Variants in VCAM1 observed in about 807,000 individuals in gnomAD.
VCAM1 encodes the protein vascular cell adhesion molecule 1, also known as vascular cell adhesion protein 1.
Under a neutral mutation model 63.8 loss-of-function variants are expected in VCAM1, and 41 were observed. The observed-to-expected ratio is 0.64, with a 90% CI of 0.50 to 0.83. VCAM1 has a LOEUF of 0.83. Ranked by LOEUF, VCAM1 falls within the 40% of genes least tolerant of loss-of-function variation. The probability of loss-of-function intolerance (pLI) is 0.00; values close to 1 mark genes in which losing one functional copy is unlikely to be tolerated. For synonymous variants in VCAM1, 338 were observed against 320.7 expected (o/e 1.05, Z -0.58); for missense variants, 798 against 875.5 (o/e 0.91, Z 1.12).
At chr1:100,726,107 A>G (rs1231632056) in intron 4 of VCAM1, among the ~76,000 whole-genome samples, 2 of 151,846 alleles carry the variant, frequency 1.3e-5, no homozygotes, top group African/African-American at 2.4e-5. Flanking sequence ...CTCTACTTCT[A>G]TGACTTTAGA....
At chr1:100,725,004 G>C (rs1487239425) in intron 4 of VCAM1, 114 bp downstream of exon 4, 1 of 1,329,778 alleles carries the variant, frequency 7.5e-7, no homozygotes, top group African/African-American at 1.5e-5. Context: ...TGACCTATCT[G>C]ATTGCCATAT....
At position 100,731,495 on chromosome 1, in the gene VCAM1, G is replaced by T. The variant is rs756538546; in HGVS notation, c.1502G>T (p.Ser501Ile). The change falls in exon 6 of 9, where the codon AGT becomes ATT. Residue 501 changes from serine (S) to isoleucine (I), a missense_variant. Coordinates refer to ENST00000294728, the MANE Select transcript of VCAM1 (RefSeq NM_001078.4). The surrounding 1 kb of genome is among the most constrained non-coding windows in gnomAD (Gnocchi z 4.2). ...GAATTCGAACCCAAACAAAGGCAGA[G>T]TACGCAAACACTTTATGTCAATGGT... Reference protein sequence around the residue: ...DMEFEPKQRQSTQTLYVNVAP... With the variant: ...DMEFEPKQRQITQTLYVNVAP... The T allele has an allele frequency of 3.4e-5, 55 of 1,613,028 alleles. No homozygotes were observed. The highest frequency in any genetic ancestry group is 4.6e-5 in the Non-Finnish European group (54 of 1,179,686).
intron 4 of VCAM1, among the ~76,000 whole-genome samples, chr1:100,728,663 AAAG>A (rs538073883): frequency 6.6e-6 from 1 of 151,770 alleles, no homozygotes; most frequent in South Asian, 2.1e-4. Context: ...AAGAGAAGGC[AAAG>A]AAGAAAGAAT....
At chr1:100,730,068 G>A (rs537977578) in intron 5 of VCAM1, among the ~76,000 whole-genome samples, 18 of 152,120 alleles carry the variant, frequency 1.2e-4, no homozygotes, top group African/African-American at 4.1e-4. Context: ...AACAAAATAT[G>A]CAAAGTGACC....
chr1:100,727,755 A>T (rs776062208), intron 4 of VCAM1, among the ~76,000 whole-genome samples: 1 of 152,092 alleles, frequency 6.6e-6, no homozygotes, highest in Admixed American at 6.6e-5. Flanking sequence ...TCATTCTCAC[A>T]CTAGCATATA....
chr1:100,732,749 G>A lies in VCAM1; in HGVS notation c.1792+65G>A, dbSNP rs895327725. 5 of 1,466,944 alleles carry A rather than the reference G, an allele frequency of 3.4e-6. No homozygotes were observed. The African/African-American group carries it at 4.3e-5, about 13-fold the overall frequency. 90.9% of individuals were successfully genotyped at this position (1,466,944 alleles called of 1,614,324 possible). A position where few individuals can be genotyped will look rare whatever the true frequency, so the allele number is the denominator to read the frequency against. ...TGTTTTTGGTTATGTTACTGATTAT[G>A]AGTAAAGTCTTTGAAAACAAAATTT... On this transcript the variant is annotated intron_variant, in intron 7 of 8. Coordinates refer to ENST00000294728, the MANE Select transcript of VCAM1 (RefSeq NM_001078.4).
intron 4 of VCAM1, among the ~76,000 whole-genome samples, chr1:100,727,062 T>C (rs1435440158): frequency 1.3e-5 from 2 of 151,932 alleles, no homozygotes; most frequent in Non-Finnish European, 2.9e-5. Flanking sequence ...TGTGTGTGTG[T>C]GTGTGTGTGT....
chr1:100,731,286 C>A lies in VCAM1; in HGVS notation c.1293C>A (p.Tyr431Ter). The A allele has an allele frequency of 6.2e-7, 1 of 1,613,760 alleles. No homozygotes were observed. The highest frequency in any genetic ancestry group is 8.5e-7 in the Non-Finnish European group (1 of 1,179,830). The change falls in exon 6 of 9, where the codon TAC (tyrosine) becomes TAA (stop). Residue 431 changes from tyrosine to a stop codon, truncating the protein, a stop_gained. Coordinates refer to ENST00000294728, the MANE Select transcript of VCAM1 (RefSeq NM_001078.4). LOFTEE classifies it high-confidence loss of function. This position sits in a 1 kb window ranked among gnomAD's most constrained non-coding sequence, Gnocchi z 4.2. ...VTVSCKVPSV[Y>*]PLDRLEIELL... ...TAAGCTGCAAGGTTCCTAGCGTGTA[C>A]CCCCTTGACCGGCTGGAGATTGAAT...
intron 8 of VCAM1, chr1:100,737,243 T>A (rs1419944500): frequency 6.6e-6 from 1 of 152,110 alleles, no homozygotes; most frequent in African/African-American, 2.4e-5. Flanking sequence ...AAGCAGTGAG[T>A]CAGGTGCTGG....
At chr1:100,728,373 C>T (rs1036396445) in intron 4 of VCAM1, among the ~76,000 whole-genome samples, 2 of 152,046 alleles carry the variant, frequency 1.3e-5, no homozygotes, top group African/African-American at 4.8e-5. Flanking sequence ...GGAACAGAAG[C>T]TCTAAATGCT....
intron 8 of VCAM1, chr1:100,736,588 T>C (rs1162596008): frequency 6.6e-6 from 1 of 152,142 alleles, no homozygotes. Flanking sequence ...GTATATTACA[T>C]TGAAAAGAAA....
intron 8 of VCAM1, chr1:100,737,273 A>G (rs1243588689): frequency 6.6e-6 from 1 of 152,198 alleles, no homozygotes; most frequent in Non-Finnish European, 1.5e-5. Flanking sequence ...GATGGACTAA[A>G]AAGAAAATAG....
rs771227860 is a variant in VCAM1, at chr1:100,729,112, C to T, written c.934C>T (p.Pro312Ser). Reference sequence around the variant, plus strand: ...GTTTTCCACCTGTGTCCCAGAGAAACCATTTACTGTTGAGATCTCCCCTGG... The same window carrying T: ...GTTTTCCACCTGTGTCCCAGAGAAATCATTTACTGTTGAGATCTCCCCTGG... Reference protein sequence around the residue: ...KEVELIVQEKPFTVEISPGPR... With the variant: ...KEVELIVQEKSFTVEISPGPR... Residue 312 changes from proline (P) to serine (S), a missense_variant, in exon 5 of 9, where the codon CCA (proline) becomes TCA (serine). Transcript: ENST00000294728. 2 of 1,527,510 alleles carry T rather than the reference C, an allele frequency of 1.3e-6. No individual in the cohort carries two copies. Among genetic ancestry groups the T allele is most frequent in the Admixed American group, 2.0e-5 (1 of 48,790 alleles). The allele number at this position is 1,527,510 out of a possible 1,614,324, so 94.6% of individuals were successfully genotyped here. A position where few individuals can be genotyped will look rare whatever the true frequency, so the allele number is the denominator to read the frequency against.
intron 8 of VCAM1, among the ~76,000 whole-genome samples, chr1:100,734,981 CT>C (rs1296463466): frequency 6.6e-6 from 1 of 152,114 alleles, no homozygotes; most frequent in African/African-American, 2.4e-5. Context: ...TTCCTGCTTG[CT>C]TTTTTCAGTT....
intron 4 of VCAM1, among the ~76,000 whole-genome samples, chr1:100,727,130 A>G (rs1308837905): frequency 1.3e-5 from 2 of 151,688 alleles, no homozygotes; most frequent in Non-Finnish European, 2.9e-5. Context: ...TGTTCAGTAA[A>G]TATTTGCTGA....
In VCAM1 at chr1:100,732,608, A is replaced by G. The variant is rs1349905208; in HGVS notation, c.1716A>G (p.Glu572=). 6.2e-7 allele frequency: 1 copy of G among 1,613,160 alleles called. No homozygotes were observed. Among genetic ancestry groups the G allele is most frequent in the Non-Finnish European group, 8.5e-7 (1 of 1,179,720 alleles). ...ATLTLISTKM[E]DSGVYLCEGI... is the part of the protein sequence containing the mutation. ...TCACCTTAATTTCTACAAAAATGGA[A>G]GATTCTGGGGTTTATTTATGTGAAG... Residue 572 remains glutamate, a synonymous_variant, in exon 7 of 9, where the codon GAA becomes GAG. Coordinates refer to ENST00000294728, the MANE Select transcript of VCAM1 (RefSeq NM_001078.4).
chr1:100,726,810 A>G (rs1162999655), intron 4 of VCAM1, among the ~76,000 whole-genome samples: 4 of 152,064 alleles, frequency 2.6e-5, no homozygotes, highest in African/African-American at 9.7e-5. Context: ...GGTAACGCAA[A>G]TATTCCTTAG....
chr1:100,738,182 T>C lies in VCAM1; in HGVS notation c.2119T>C (p.Ser707Pro). 6.2e-7 allele frequency: 1 copy of C among 1,613,898 alleles called. No individual in the cohort carries two copies. Among genetic ancestry groups the C allele is most frequent in the East Asian group, 2.2e-5 (1 of 44,842 alleles). Residue 707 changes from serine to proline, a missense_variant, in exon 9 of 9, where the codon TCC becomes CCC. Coordinates refer to ENST00000294728, the MANE Select transcript of VCAM1 (RefSeq NM_001078.4). ...GCTTCTCGTGCTCTATTTTGCATCCTCCTTAATAATACCTGCCATTGGAAT... is the reference window on the plus strand; with the variant it reads ...GCTTCTCGTGCTCTATTTTGCATCCCCCTTAATAATACCTGCCATTGGAAT... The part of the protein sequence containing the change: ...PELLVLYFAS[S>P]LIIPAIGMII...
At position 100,738,414 on chromosome 1, in the gene VCAM1, G is replaced by T; in HGVS notation, c.*131G>T. ...GAATGTATTGAACTTGGAAAGAAAT[G>T]CCCATCTATGTCCCTTGCTGTGAGC... On this transcript the variant is annotated 3_prime_UTR_variant, in exon 9 of 9. Coordinates refer to ENST00000294728, the MANE Select transcript of VCAM1 (RefSeq NM_001078.4). The T allele has an allele frequency of 9.6e-7, 1 of 1,041,492 alleles. No homozygotes were observed. Among genetic ancestry groups the T allele is most frequent in the Non-Finnish European group, 1.4e-6 (1 of 732,016 alleles). 64.5% of individuals were successfully genotyped at this position (1,041,492 alleles called of 1,614,324 possible). A position where few individuals can be genotyped will look rare whatever the true frequency, so the allele number is the denominator to read the frequency against.
Sources: gnomAD v4.1 joint callset for allele counts (sites outside exome capture counted in the v4.1 genomes callset) on GRCh38, gnomAD v4.1.1 for gene constraint, Gnocchi (gnomAD v3.1) non-coding constraint, MANE v1.5 for transcripts, NCBI Gene and HGNC (gene_info 2026-07-23, HGNC 2026-07-21) for gene names.